ASTN2: variants seen among roughly 807,000 people sequenced by gnomAD.
The protein encoded by ASTN2 is astrotactin-2.
ASTN2 carries 54 observed loss-of-function variants against 139.8 expected under a neutral mutation model. That is an observed-to-expected ratio of 0.39 (90% CI 0.31 to 0.48). The LOEUF (loss-of-function observed/expected upper bound fraction) is 0.48, where lower values mean the gene tolerates loss of function less well. ASTN2 is among the 20% of genes least tolerant of loss of function. ASTN2 has a pLI of 0.95. For synonymous variants in ASTN2, 756 were observed against 719.5 expected, an observed-to-expected ratio of 1.05 and a Z score of -0.81; for missense variants, 1,565 against 1,725.1, an observed-to-expected ratio of 0.91 and a Z score of 1.64.
At chr9:117,071,484 C>G (rs1828125089) in intron 5 of ASTN2, among the ~76,000 whole-genome samples, 1 of 150,222 alleles carries the variant, frequency 6.7e-6, no homozygotes, top group Non-Finnish European at 1.5e-5. Context: ...GCCCTGCCCC[C>G]AGAGGTGGAG....
chr9:117,344,116 G>A (rs1255937706), intron 1 of ASTN2, among the ~76,000 whole-genome samples: 4 of 151,946 alleles, frequency 2.6e-5, no homozygotes, highest in African/African-American at 9.7e-5. Context: ...TGGGAAAGGA[G>A]ATCTCTCCAG....
At chr9:116,843,216 T>TA (rs1342655337) in intron 11 of ASTN2, among the ~76,000 whole-genome samples, 3 of 152,092 alleles carry the variant, frequency 2.0e-5, no homozygotes, top group Admixed American at 6.5e-5. Context: ...GGATTGGATT[T>TA]AAAAAAATGT....
At position 117,349,796 on chromosome 9, in the gene ASTN2, C is replaced by CTGATA. The variant is rs1215608787; in HGVS notation, c.443-58288_443-58284dup. On this transcript the variant is annotated intron_variant, in intron 1 of 22. Coordinates refer to ENST00000313400, the MANE Select transcript of ASTN2 (RefSeq NM_001365068.1). Reference sequence around the variant, plus strand: ...AAGTCAGGATGATATCAGAGACTCCCTGATATGATATGATACAATATGATA... The same window carrying CTGATA: ...AAGTCAGGATGATATCAGAGACTCCCTGATATGATATGATATGATACAATATGATA... Among the ~76,000 whole-genome samples, 3 of 152,134 alleles carry CTGATA rather than the reference C, an allele frequency of 2.0e-5. No homozygotes were observed. The East Asian group carries it at 5.8e-4, about 29-fold the overall frequency.
intron 2 of ASTN2, among the ~76,000 whole-genome samples, chr9:117,226,806 T>A (rs916865271): frequency 6.6e-5 from 10 of 152,314 alleles, no homozygotes; most frequent in Admixed American, 5.2e-4. Context: ...ATGTTCGGTG[T>A]GTCTGGAGAG....
intron 1 of ASTN2, among the ~76,000 whole-genome samples, chr9:117,345,820 C>A (rs1829197084): frequency 6.6e-6 from 1 of 151,958 alleles, no homozygotes; most frequent in Admixed American, 6.6e-5. Flanking sequence ...TTTCTTTAAC[C>A]TTTTAACTTC....
intron 16 of ASTN2, among the ~76,000 whole-genome samples, chr9:116,663,552 T>C (rs1489015452): frequency 1.3e-5 from 2 of 152,282 alleles, no homozygotes; most frequent in East Asian, 1.9e-4. Flanking sequence ...TTGGAAAACA[T>C]GTTCAAGATT....
At chr9:116,461,050 T>A (rs1848471041) in intron 20 of ASTN2, among the ~76,000 whole-genome samples, 1 of 152,066 alleles carries the variant, frequency 6.6e-6, no homozygotes, top group African/African-American at 2.4e-5. Flanking sequence ...AATGTGCACA[T>A]CCTCCTCTCT....
intron 13 of ASTN2, among the ~76,000 whole-genome samples, chr9:116,734,530 A>G (rs1283623348): frequency 2.6e-5 from 4 of 152,162 alleles, no homozygotes; most frequent in African/African-American, 9.7e-5. Flanking sequence ...TTATATTCAG[A>G]AATTCCCAGC....
At chr9:116,498,428 A>AG (rs1424250770) in intron 19 of ASTN2, among the ~76,000 whole-genome samples, 1 of 126,546 alleles carries the variant, frequency 7.9e-6, no homozygotes, top group Admixed American at 7.6e-5. Context: ...CTAAAAAAAA[A>AG]CAAAAAACAA....
At chr9:116,596,635 G>A (rs1233409954) in intron 19 of ASTN2, among the ~76,000 whole-genome samples, 1 of 152,104 alleles carries the variant, frequency 6.6e-6, no homozygotes, top group African/African-American at 2.4e-5. Context: ...GTCTTTTAAA[G>A]GGCAGGCAAA....
chr9:116,976,628 C>A, intron 8 of ASTN2, 73 bp downstream of exon 8: 2 of 1,314,582 alleles, frequency 1.5e-6, no homozygotes, highest in Non-Finnish European at 1.1e-6. Flanking sequence ...ATGCTTGGGG[C>A]CTCTGGTAAC....
intron 1 of ASTN2, among the ~76,000 whole-genome samples, chr9:117,412,795 T>C (rs1831204654): frequency 6.6e-6 from 1 of 152,108 alleles, no homozygotes; most frequent in Admixed American, 6.6e-5. Context: ...CTTCTGTGTC[T>C]CTAGAAAGAC....
At chr9:116,821,293 G>T (rs1016388746) in intron 11 of ASTN2, among the ~76,000 whole-genome samples, 4 of 152,128 alleles carry the variant, frequency 2.6e-5, no homozygotes, top group African/African-American at 9.7e-5. Flanking sequence ...GAGCCTCAAT[G>T]TTCTCATCTA....
At chr9:116,510,187 G>A (rs1374544792) in intron 19 of ASTN2, among the ~76,000 whole-genome samples, 5 of 152,136 alleles carry the variant, frequency 3.3e-5, no homozygotes, top group Admixed American at 1.3e-4. Context: ...TTTTGTATAA[G>A]GTGTAAGGAA....
Position 116,698,617 on chromosome 9 carries a change from G to A in ASTN2, c.2806+27154C>T, listed in dbSNP as rs1554732992. On this transcript the variant is annotated intron_variant, in intron 16 of 22. Coordinates refer to ENST00000313400, the MANE Select transcript of ASTN2 (RefSeq NM_001365068.1). This position sits in a 1 kb window ranked among gnomAD's most constrained non-coding sequence, Gnocchi z 4.4. ...GGTCATGTTGGCCCCCTCCAAATTG[G>A]ACAAGCTGTTAAGAAGCCCCGGACA... is the stretch of plus-strand genomic sequence containing the variant. 1 of 1,614,106 alleles carries A rather than the reference G, an allele frequency of 6.2e-7. No individual in the cohort carries two copies. The highest frequency in any genetic ancestry group is 8.5e-7 in the Non-Finnish European group (1 of 1,180,022).
chr9:116,784,070 A>AT (rs1830296599), intron 13 of ASTN2, among the ~76,000 whole-genome samples: 1 of 152,196 alleles, frequency 6.6e-6, no homozygotes, highest in Admixed American at 6.5e-5. Context: ...GAGACACAGT[A>AT]TTTTTTAATC....
chr9:117,289,445 T>A (rs1834531207), intron 2 of ASTN2, among the ~76,000 whole-genome samples: 1 of 152,196 alleles, frequency 6.6e-6, no homozygotes, highest in Non-Finnish European at 1.5e-5. Context: ...GGAGAAAGTC[T>A]GATTCAGTGA....
intron 1 of ASTN2, among the ~76,000 whole-genome samples, chr9:117,377,373 C>A (rs925480428): frequency 6.6e-6 from 1 of 152,152 alleles, no homozygotes; most frequent in South Asian, 2.1e-4. Context: ...GCAGAGAAGG[C>A]CCTTGGGGCA....
chr9:117,375,711 C>T (rs186518562), intron 1 of ASTN2, among the ~76,000 whole-genome samples: 2 of 152,248 alleles, frequency 1.3e-5, no homozygotes, highest in East Asian at 3.9e-4. Context: ...GTGAGTTTCC[C>T]ATTGCTGCTG....
Sources: gnomAD v4.1 joint callset for allele counts (sites outside exome capture counted in the v4.1 genomes callset) on GRCh38, gnomAD v4.1.1 for gene constraint, Gnocchi (gnomAD v3.1) non-coding constraint, MANE v1.5 for transcripts, NCBI Gene and HGNC (gene_info 2026-07-23, HGNC 2026-07-21) for gene names.